The following FCF1 variants were observed in gnomAD, a reference collection of about 807,000 sequenced individuals.
The protein encoded by FCF1 is rRNA-processing protein FCF1 homolog.
In FCF1, 17 loss-of-function variants were observed where a neutral mutation model predicts 32.5. That is an observed-to-expected ratio of 0.52 (90% CI 0.36 to 0.78). The LOEUF (loss-of-function observed/expected upper bound fraction) is 0.78. FCF1 is among the 30% of genes least tolerant of loss of function. FCF1 has a pLI of 0.00. For synonymous variants in FCF1, 84 were observed against 78.4 expected (o/e 1.07, Z -0.38); for missense variants, 201 against 241.1 (o/e 0.83, Z 1.10).
At chr14:74,732,934 A>G (rs946238102) in intron 6 of FCF1, 116 bp downstream of exon 6, 8 of 616,578 alleles carry the variant, frequency 1.3e-5, no homozygotes, top group African/African-American at 9.5e-5. Flanking sequence ...GGTTAAATTA[A>G]AAAAAAATTG....
At chr14:74,727,953 A>G (rs2090594715) in intron 5 of FCF1, among the ~76,000 whole-genome samples, 1 of 152,140 alleles carries the variant, frequency 6.6e-6, no homozygotes, top group South Asian at 2.1e-4. Flanking sequence ...GTTCCGTTTC[A>G]TTGATCTATA....
chr14:74,736,598 G>T lies in FCF1; in HGVS notation c.*1668G>T, dbSNP rs2090710505. The stretch of plus-strand genomic sequence containing the variant: ...AAGTATTGCATATGTTAACTAGCTT[G>T]ATTTAACTATTCCATATTGTATCCA... On this transcript the variant is annotated 3_prime_UTR_variant, in exon 8 of 8. Transcript: ENST00000341162. 1 of 152,092 alleles carries T rather than the reference G, an allele frequency of 6.6e-6. No homozygotes were observed. The highest frequency in any genetic ancestry group is 2.4e-5 in the African/African-American group (1 of 41,424). The allele number at this position is 152,092 out of a possible 1,614,324, so 9.4% of individuals were successfully genotyped here.
intron 4 of FCF1, among the ~76,000 whole-genome samples, chr14:74,718,419 C>G (rs771953518): frequency 1.3e-5 from 2 of 152,090 alleles, no homozygotes; most frequent in East Asian, 1.9e-4. Flanking sequence ...TGCTACATGG[C>G]TCTGAAATTG....
chr14:74,718,876 G>C (rs1279282554), intron 4 of FCF1, among the ~76,000 whole-genome samples: 1 of 151,876 alleles, frequency 6.6e-6, no homozygotes, highest in African/African-American at 2.4e-5. Flanking sequence ...AATTAGCCAG[G>C]GGGCCAGGTG....
intron 5 of FCF1, among the ~76,000 whole-genome samples, chr14:74,731,519 C>T (rs2090637252): frequency 2.0e-5 from 3 of 152,284 alleles, no homozygotes; most frequent in Admixed American, 2.0e-4. Flanking sequence ...TCTTTAATGA[C>T]TCCTCATTAC....
intron 5 of FCF1, among the ~76,000 whole-genome samples, chr14:74,724,279 G>A (rs2090546701): frequency 1.3e-5 from 2 of 152,098 alleles, no homozygotes; most frequent in African/African-American, 4.8e-5. Context: ...GGGGTTTTTT[G>A]TGTTTTGTTT....
rs113221164 is a variant in FCF1, at chr14:74,718,765, C to A, written c.292+2666C>A. 2.0e-3 allele frequency among the ~76,000 whole-genome samples: 301 copies of A among 152,112 alleles called. 1 individual carries two copies. The highest frequency in any genetic ancestry group is 6.9e-3 in the African/African-American group (287 of 41,498). ...GGGATTATAGGCATGAGCCACCACG[C>A]CTGGCCAGTATTAATATACTTCTAA... On this transcript the variant is annotated intron_variant, in intron 4 of 7. Transcript: ENST00000341162.
chr14:74,719,129 C>CAAAAA (rs1167421434), intron 4 of FCF1, among the ~76,000 whole-genome samples: 1 of 34,282 alleles, frequency 2.9e-5, no homozygotes, highest in African/African-American at 1.3e-4. Context: ...GACTCTGTCT[C>CAAAAA]AAAAAAAAAA....
intron 4 of FCF1, among the ~76,000 whole-genome samples, chr14:74,718,262 C>T (rs905897130): frequency 6.6e-6 from 1 of 152,150 alleles, no homozygotes; most frequent in African/African-American, 2.4e-5. Context: ...TCTATTTCCA[C>T]TTTATAGTCC....
At chr14:74,734,245 G>T (rs1224064932) in intron 7 of FCF1, 75 bp downstream of exon 7, 6 of 825,940 alleles carry the variant, frequency 7.3e-6, no homozygotes, top group Non-Finnish European at 1.2e-5. Flanking sequence ...AAGTGATAAG[G>T]TTATAAAGGA....
chr14:74,713,605 G>A (rs2090366433), intron 2 of FCF1, 53 bp downstream of exon 2: 5 of 1,461,300 alleles, frequency 3.4e-6, no homozygotes, highest in East Asian at 2.3e-5. Flanking sequence ...GTCTAGAGAG[G>A]ATAAGTAGTA....
rs377159409 is a variant in FCF1 at position 74,722,693 on chromosome 14, G to A, written c.293-579G>A. ...CTCACACCTGTAATCCCAGCACTTT[G>A]GGAGCCCAAGACAGGAGGAATGATT... On this transcript the variant is annotated intron_variant, in intron 4 of 7. Coordinates refer to ENST00000341162, the MANE Select transcript of FCF1 (RefSeq NM_015962.5). Among the ~76,000 whole-genome samples the A allele has an allele frequency of 1.8e-4, 27 of 152,118 alleles. No homozygotes were observed. In the East Asian group the frequency reaches 5.2e-3, roughly 29 times the overall value.
chr14:74,730,352 A>G (rs1463402817), intron 5 of FCF1, among the ~76,000 whole-genome samples: 2 of 151,608 alleles, frequency 1.3e-5, no homozygotes, highest in East Asian at 3.9e-4. Context: ...AGCTGGGACT[A>G]CAGGTGCATA....
In FCF1 at chr14:74,713,196, C is replaced by G. The variant is rs555548178; in HGVS notation, c.-2C>G. ...CGGAAGAACCAGGAGTTTGGCGTGA[C>G]CATGGTGAGAGAAGACGGTCCAAGA... On this transcript the variant is annotated 5_prime_UTR_variant, in exon 1 of 8. Transcript: ENST00000341162. 4.3e-6 allele frequency: 7 copies of G among 1,614,166 alleles called. No individual in the cohort carries two copies. Among genetic ancestry groups the G allele is most frequent in the South Asian group, 3.3e-5 (3 of 91,082 alleles).
At chr14:74,714,701 C>T (rs2090390305) in intron 2 of FCF1, among the ~76,000 whole-genome samples, 171 bp from the exon 3 acceptor site, 1 of 151,302 alleles carries the variant, frequency 6.6e-6, no homozygotes, top group Non-Finnish European at 1.5e-5. Context: ...CTGTGCTTTG[C>T]ACTAGAGTTA....
At chr14:74,731,209 T>C (rs1048011614) in intron 5 of FCF1, among the ~76,000 whole-genome samples, 1 of 152,106 alleles carries the variant, frequency 6.6e-6, no homozygotes, top group African/African-American at 2.4e-5. Flanking sequence ...ACACTAAGTT[T>C]GGCTGTCAAG....
chr14:74,726,193 A>T (rs551306479), intron 5 of FCF1, among the ~76,000 whole-genome samples: 5 of 152,226 alleles, frequency 3.3e-5, no homozygotes, highest in South Asian at 4.1e-4. Flanking sequence ...CTATAAAAAA[A>T]AAACAACAGC....
intron 5 of FCF1, among the ~76,000 whole-genome samples, chr14:74,732,272 A>G (rs761460300): frequency 9.2e-5 from 14 of 152,134 alleles, no homozygotes; most frequent in Non-Finnish European, 1.8e-4. Flanking sequence ...GGGCACCAAA[A>G]TGGGTTTAAC....
rs541468157 is a variant in FCF1, at chr14:74,714,427, A to G, written c.72-445A>G. On this transcript the variant is annotated intron_variant, in intron 2 of 7. Transcript: ENST00000341162. The stretch of plus-strand genomic sequence containing the variant: ...CATTAATAATAATTTCTTTCTAGTT[A>G]AGGGTTAAGTTCTGTATATGCGTTT... 1.3e-4 allele frequency among the ~76,000 whole-genome samples: 20 copies of G among 152,336 alleles called. No individual in the cohort carries two copies. In the South Asian group the frequency reaches 4.1e-3, roughly 32 times the overall value.
Sources: allele counts gnomAD v4.1 joint callset (sites outside exome capture counted in the v4.1 genomes callset), GRCh38; gene constraint gnomAD v4.1.1; transcripts MANE v1.5; gene names NCBI Gene and HGNC (gene_info 2026-07-23, HGNC 2026-07-21).